Variants in CSPP1 observed in about 807,000 individuals in gnomAD.
CSPP1 encodes centrosome and spindle pole associated protein 1.
A neutral mutation model predicts 164.4 loss-of-function variants in CSPP1; 126 were observed. The ratio of observed to expected loss-of-function variants is 0.77; its 90% CI spans 0.66 to 0.89. CSPP1 has a LOEUF of 0.89. Ranked by LOEUF, CSPP1 falls within the 40% of genes least tolerant of loss-of-function variation. CSPP1 has a pLI of 0.00. For missense variants in CSPP1, 1,395 were observed against 1,449.8 expected (o/e 0.96, Z 0.61); for synonymous variants, 472 against 476.7 (o/e 0.99, Z 0.13).
chr8:67,099,621 A>G (rs1036086699), intron 7 of CSPP1, among the ~76,000 whole-genome samples: 7 of 152,078 alleles, frequency 4.6e-5, no homozygotes, highest in African/African-American at 1.4e-4. Flanking sequence ...CCGTGGTAAA[A>G]CCACTGCTGA....
chr8:67,084,680 A>G (rs1408014103), intron 3 of CSPP1, among the ~76,000 whole-genome samples: 1 of 151,950 alleles, frequency 6.6e-6, no homozygotes, highest in East Asian at 1.9e-4. Context: ...TTGAGGCTGC[A>G]ATGTGCCATG....
chr8:67,066,926 T>G (rs1277483151), intron 1 of CSPP1, among the ~76,000 whole-genome samples: 1 of 152,148 alleles, frequency 6.6e-6, no homozygotes, highest in Non-Finnish European at 1.5e-5. Flanking sequence ...CAGCTAATTT[T>G]TTTATTCGTA....
At chr8:67,146,408 C>G (rs1824574126) in intron 17 of CSPP1, among the ~76,000 whole-genome samples, 1 of 152,094 alleles carries the variant, frequency 6.6e-6, no homozygotes, top group African/African-American at 2.4e-5. Context: ...CAGGCATGAG[C>G]CACTGCGCCC....
At chr8:67,070,965 A>T (rs1034902220) in intron 1 of CSPP1, among the ~76,000 whole-genome samples, 2 of 151,998 alleles carry the variant, frequency 1.3e-5, no homozygotes, top group Non-Finnish European at 2.9e-5. Context: ...TATGTTGCCC[A>T]GGCTGGTCTT....
intron 26 of CSPP1, among the ~76,000 whole-genome samples, chr8:67,175,994 TGAG>T (rs35076376): frequency 5.3e-5 from 8 of 151,684 alleles, no homozygotes; most frequent in Non-Finnish European, 8.8e-5. Context: ...CTGCTGCTCT[TGAG>T]GAGGTTATAT....
chr8:67,184,968 G>GAC (rs1215202266), intron 28 of CSPP1, among the ~76,000 whole-genome samples: 1 of 144,038 alleles, frequency 6.9e-6, no homozygotes, highest in Non-Finnish European at 1.5e-5. Context: ...AAAAAAAAAG[G>GAC]TGGTGGGCAC....
chr8:67,159,141 A>C lies in CSPP1; in HGVS notation c.2538+4A>C. On this transcript the variant is annotated splice_donor_region_variant and intron_variant, in intron 21 of 30. Coordinates refer to ENST00000678616, the MANE Select transcript of CSPP1 (RefSeq NM_001382391.1). ...TTTGATTGGGGAAGAAACAAAGGTA[A>C]GTTTCAGACAAAAATGTCAATCAAA... The C allele has an allele frequency of 6.3e-7, 1 of 1,595,944 alleles. No homozygotes were observed. The highest frequency in any genetic ancestry group is 8.5e-7 in the Non-Finnish European group (1 of 1,175,178).
rs1481195968 is a variant in CSPP1, at chr8:67,190,568, G to A, written c.3221-82G>A. On this transcript the variant is annotated intron_variant, in intron 28 of 30. Transcript: ENST00000678616. ...TCATGGTATTGTAAGCAAAATCTTA[G>A]TAATTAAAAGGCTCTTGGTTTAGCT... 10 of 990,040 alleles carry A rather than the reference G, an allele frequency of 1.0e-5. No individual in the cohort carries two copies. The East Asian group carries it at 2.1e-4, about 21-fold the overall frequency. 61.3% of individuals were successfully genotyped at this position (990,040 alleles called of 1,614,324 possible). A position where few individuals can be genotyped will look rare whatever the true frequency, so the allele number is the denominator to read the frequency against.
chr8:67,193,727 G>A lies in CSPP1; in HGVS notation c.3469+125G>A, dbSNP rs1837071554. 6 of 721,902 alleles carry A rather than the reference G, an allele frequency of 8.3e-6. No individual in the cohort carries two copies. In the South Asian group the frequency reaches 8.9e-5, roughly 11 times the overall value. The allele number at this position is 721,902 out of a possible 1,614,324, so 44.7% of individuals were successfully genotyped here. ...AGTTTGAAGACCTTTGAGTTGTATG[G>A]CCCAAGACATAGTAACTATTGAGCA... On this transcript the variant is annotated intron_variant, in intron 30 of 30. Coordinates refer to ENST00000678616, the MANE Select transcript of CSPP1 (RefSeq NM_001382391.1).
intron 1 of CSPP1, among the ~76,000 whole-genome samples, chr8:67,065,833 T>C (rs1430977616): frequency 2.0e-5 from 3 of 152,126 alleles, no homozygotes; most frequent in African/African-American, 7.2e-5. Flanking sequence ...CCGTTCAAGT[T>C]TGGGTCTTCT....
chr8:67,193,346 C>A (rs1471566332), intron 29 of CSPP1, 118 bp from the exon 30 acceptor site: 20 of 784,020 alleles, frequency 2.6e-5, no homozygotes, highest in Non-Finnish European at 4.0e-5. Context: ...ATCTGCCCAC[C>A]TCGGCTTCCC....
Position 67,112,080 on chromosome 8 carries a change from G to A in CSPP1, c.1187+15G>A, listed in dbSNP as rs757179006. ...AACAAGAGACGGTAATGAAAGGTTT[G>A]CATTTAAAAGAGATATTTTGAGTTT... On this transcript the variant is annotated intron_variant, in intron 10 of 30. Coordinates refer to ENST00000678616, the MANE Select transcript of CSPP1 (RefSeq NM_001382391.1). 1.9e-6 allele frequency: 3 copies of A among 1,568,022 alleles called. No homozygotes were observed. The African/African-American group carries it at 4.1e-5, about 21-fold the overall frequency.
At chr8:67,184,735 AT>A (rs1272409840) in intron 28 of CSPP1, among the ~76,000 whole-genome samples, 3,063 of 147,644 alleles carry the variant, frequency 0.021, 69 homozygotes, top group South Asian at 0.047. Context: ...AAAAATAATA[AT>A]AAAAAAATAT....
At chr8:67,163,895 A>G in intron 23 of CSPP1, 97 bp downstream of exon 23, 1 of 973,308 alleles carries the variant, frequency 1.0e-6, no homozygotes, top group Non-Finnish European at 1.6e-6. Context: ...CAGAAACAGT[A>G]TAGAGCGGTT....
intron 28 of CSPP1, among the ~76,000 whole-genome samples, chr8:67,184,730 T>A (rs566706952): frequency 2.5e-4 from 34 of 135,562 alleles, no homozygotes; most frequent in East Asian, 2.5e-3. Flanking sequence ...TCTAAAAAAA[T>A]AATAATAAAA....
rs1185447488 is a variant in CSPP1, at chr8:67,152,086, CAAAAAAA to C, written c.2129-1924_2129-1918del. Among the ~76,000 whole-genome samples the C allele has an allele frequency of 8.6e-5, 5 of 58,150 alleles. No homozygotes were observed. The East Asian group carries it at 1.9e-3, about 22-fold the overall frequency. The allele number at this position is 58,150 out of a possible 152,430, so 38.1% of individuals were successfully genotyped here. On this transcript the variant is annotated intron_variant, in intron 18 of 30. Transcript: ENST00000678616. ...CTGGTGACAGAGTGAGACTCCATCT[CAAAAAAA>C]AAAAAAAAAAAAAGAATTAATTAAT... is the stretch of plus-strand genomic sequence containing the variant.
intron 24 of CSPP1, among the ~76,000 whole-genome samples, chr8:67,167,898 G>A (rs1409043339): frequency 2.6e-5 from 4 of 152,250 alleles, no homozygotes; most frequent in South Asian, 2.1e-4. Context: ...ACGGGGTGGC[G>A]GCCGGGCAGA....
intron 26 of CSPP1, 57 bp from the exon 27 acceptor site, chr8:67,177,623 T>A: frequency 9.0e-7 from 1 of 1,113,006 alleles, no homozygotes; most frequent in South Asian, 1.4e-5. Context: ...AAAATTTAAT[T>A]TATATAGTAA....
chr8:67,073,175 T>A (rs996813748), intron 1 of CSPP1, among the ~76,000 whole-genome samples: 1 of 152,208 alleles, frequency 6.6e-6, no homozygotes, highest in Admixed American at 6.5e-5. Flanking sequence ...TATGGTACTT[T>A]GTACTTTGAG....
Sources: allele counts gnomAD v4.1 joint callset (sites outside exome capture counted in the v4.1 genomes callset), GRCh38; gene constraint gnomAD v4.1.1; transcripts MANE v1.5; gene names NCBI Gene and HGNC (gene_info 2026-07-23, HGNC 2026-07-21).